The following CACYBP variants were observed in gnomAD, a reference collection of about 807,000 sequenced individuals.
The protein encoded by CACYBP is calcyclin binding protein.
A neutral mutation model predicts 29.6 loss-of-function variants in CACYBP; 11 were observed. The ratio of observed to expected loss-of-function variants is 0.37; its 90% CI spans 0.23 to 0.61. CACYBP has a LOEUF of 0.61. Ranked by LOEUF, CACYBP falls within the 20% of genes least tolerant of loss-of-function variation. The pLI is 0.65. For missense variants in CACYBP, 163 were observed against 260.7 expected (o/e 0.63, Z 2.58); for synonymous variants, 73 against 88.3 (o/e 0.83, Z 0.97).
At chr1:175,007,827 CTT>C (rs1283062885) in intron 4 of CACYBP, among the ~76,000 whole-genome samples, 2 of 152,190 alleles carry the variant, frequency 1.3e-5, no homozygotes, top group Non-Finnish European at 2.9e-5. Context: ...AGGAAACTGT[CTT>C]TTAAAAACTA....
chr1:175,000,558 G>A (rs1402815762), intron 1 of CACYBP: 7 of 1,175,600 alleles, frequency 6.0e-6, no homozygotes, highest in South Asian at 2.0e-5. Context: ...GCAAAGCTGG[G>A]TGCAAACATG....
intron 1 of CACYBP, among the ~76,000 whole-genome samples, chr1:175,001,629 A>G (rs1414103209): frequency 3.3e-5 from 5 of 152,216 alleles, no homozygotes; most frequent in East Asian, 1.9e-4. Flanking sequence ...AACATTTTCA[A>G]GTTCATCCAT....
At chr1:175,000,488 G>A in intron 1 of CACYBP, 1 of 1,332,390 alleles carries the variant, frequency 7.5e-7, no homozygotes, top group Non-Finnish European at 9.6e-7. Flanking sequence ...CCCTTTGCGC[G>A]TGTTCCTCAG....
At chr1:175,000,575 G>A (rs973853342) in intron 1 of CACYBP, 12 of 1,134,020 alleles carry the variant, frequency 1.1e-5, no homozygotes, top group South Asian at 4.5e-5. Context: ...CATGAGTGTC[G>A]TTCTTGGTAG....
chr1:175,001,686 T>C (rs1260413666), intron 1 of CACYBP, among the ~76,000 whole-genome samples: 2 of 152,236 alleles, frequency 1.3e-5, no homozygotes, highest in Non-Finnish European at 2.9e-5. Context: ...TAAATAATAT[T>C]CTATTATATG....
rs367628097 is a variant in CACYBP at position 175,010,091 on chromosome 1, C to T, written c.*12C>T. 2.9e-5 allele frequency: 46 copies of T among 1,609,498 alleles called. No homozygotes were observed. Among genetic ancestry groups the T allele is most frequent in the African/African-American group, 4.0e-5 (3 of 74,554 alleles). On this transcript the variant is annotated 3_prime_UTR_variant, in exon 6 of 6. Transcript: ENST00000367679. ...ACACGGAATTTTGAGACTTTAAAGT[C>T]GTTTTGGGAACTGTGATGTGATGTG...
chr1:175,006,686 C>A, intron 2 of CACYBP, 59 bp from the exon 3 acceptor site: 1 of 813,266 alleles, frequency 1.2e-6, no homozygotes, highest in Non-Finnish European at 2.1e-6. Context: ...TGTGCATTTG[C>A]TGTTCTAAAG....
In CACYBP at chr1:175,000,944, G is replaced by A. The variant is rs1408713733; in HGVS notation, c.15+749G>A. ...AAATGGGAATGATAGTACTTGTATT[G>A]CTCATTTCCTGGCGTAAGTGGGAGG... On this transcript the variant is annotated intron_variant, in intron 1 of 5. Transcript: ENST00000367679. Among the ~76,000 whole-genome samples the A allele has an allele frequency of 2.6e-5, 4 of 152,188 alleles. No homozygotes were observed. In the East Asian group the frequency reaches 7.7e-4, roughly 29 times the overall value.
Position 175,000,200 on chromosome 1 carries a change from G to C in CACYBP, c.15+5G>C, listed in dbSNP as rs977922724. 1 of 1,607,078 alleles carries C rather than the reference G, an allele frequency of 6.2e-7. No individual in the cohort carries two copies. Among genetic ancestry groups the C allele is most frequent in the Non-Finnish European group, 8.5e-7 (1 of 1,176,742 alleles). On this transcript the variant is annotated splice_donor_5th_base_variant and intron_variant, in intron 1 of 5. Transcript: ENST00000367679. ...GCCCCCATGGCTTCAGAAGAGGTAA[G>C]TGGTCCGGCCCCATATTCCTTATGC...
intron 2 of CACYBP, among the ~76,000 whole-genome samples, chr1:175,005,994 G>A (rs1672611709): frequency 6.6e-6 from 1 of 152,126 alleles, no homozygotes; most frequent in African/African-American, 2.4e-5. Flanking sequence ...GATGGGGCAT[G>A]TTTCTATTCT....
intron 2 of CACYBP, among the ~76,000 whole-genome samples, chr1:175,006,158 G>A (rs1672616001): frequency 6.6e-6 from 1 of 152,128 alleles, no homozygotes; most frequent in South Asian, 2.1e-4. Context: ...AGTTCTTCTA[G>A]GTCAGAGACG....
chr1:175,000,038 G>C lies in CACYBP; in HGVS notation c.-143G>C. 4 of 1,215,182 alleles carry C rather than the reference G, an allele frequency of 3.3e-6. No homozygotes were observed. In the South Asian group the frequency reaches 3.9e-5, roughly 12 times the overall value. 75.3% of individuals were successfully genotyped at this position (1,215,182 alleles called of 1,614,324 possible). On this transcript the variant is annotated 5_prime_UTR_variant, in exon 1 of 6. Transcript: ENST00000367679. ...CGTGCGGGAGGCGGGCCGCGATCTT[G>C]CGCAGGGTCGGTGTGGGCGCAGGCT...
upstream of CACYBP, chr1:174,999,471 G>A (rs566090255): frequency 2.6e-5 from 4 of 153,092 alleles, no homozygotes; most frequent in African/African-American, 9.6e-5. Context: ...CAAACTCACT[G>A]AAAATCAAAC....
intron 5 of CACYBP, chr1:175,008,926 C>G (rs1672681893): frequency 1.5e-5 from 7 of 457,714 alleles, no homozygotes; most frequent in African/African-American, 2.0e-5. Context: ...ATACAAATAA[C>G]TGTGCCCATT....
rs756661774 is a variant in CACYBP, at chr1:175,004,691, T to C, written c.93T>C (p.Ala31=). 67 of 1,613,838 alleles carry C rather than the reference T, an allele frequency of 4.2e-5. No homozygotes were observed. The highest frequency in any genetic ancestry group is 5.5e-5 in the Non-Finnish European group (65 of 1,179,844). Residue 31 remains alanine, a synonymous_variant, in exon 2 of 6, where the codon GCT becomes GCC. Transcript: ENST00000367679. The part of the protein sequence containing the change: ...TRKRVRDALT[A]EKSKIETEIK... Reference sequence around the variant, plus strand: ...AAAGAGTACGTGATGCCCTTACAGCTGAAAAATCCAAGATTGAGACAGAAA... The same window carrying C: ...AAAGAGTACGTGATGCCCTTACAGCCGAAAAATCCAAGATTGAGACAGAAA...
At chr1:175,000,255 C>T in intron 1 of CACYBP, 60 bp downstream of exon 1, 1 of 1,553,578 alleles carries the variant, frequency 6.4e-7, no homozygotes, top group Non-Finnish European at 8.7e-7. Context: ...CGCCAGCCTC[C>T]CGCCCTACCG....
At chr1:175,003,284 A>C (rs1672536258) in intron 1 of CACYBP, among the ~76,000 whole-genome samples, 2 of 151,962 alleles carry the variant, frequency 1.3e-5, no homozygotes, top group African/African-American at 4.8e-5. Context: ...ACACCCGGCA[A>C]ATTTTTGAAT....
intron 1 of CACYBP, among the ~76,000 whole-genome samples, chr1:175,001,275 T>C (rs936802830): frequency 6.6e-6 from 1 of 152,208 alleles, no homozygotes; most frequent in African/African-American, 2.4e-5. Context: ...GTTCTCAGTT[T>C]AGGCACTTAG....
intron 4 of CACYBP, 44 bp downstream of exon 4, chr1:175,007,241 A>G (rs762640166): frequency 1.0e-5 from 12 of 1,169,118 alleles, no homozygotes; most frequent in Non-Finnish European, 1.3e-5. Flanking sequence ...AACCTTACCA[A>G]ATTGAACCTG....
Sources: allele counts gnomAD v4.1 joint callset (sites outside exome capture counted in the v4.1 genomes callset), GRCh38; gene constraint gnomAD v4.1.1; transcripts MANE v1.5; gene names NCBI Gene and HGNC (gene_info 2026-07-23, HGNC 2026-07-21).